ESRP1: variants seen among roughly 807,000 people sequenced by gnomAD.
ESRP1 encodes the protein RNA-binding motif protein 35A.
In ESRP1, 33 loss-of-function variants were observed where a neutral mutation model predicts 81.7. That is an observed-to-expected ratio of 0.40 (90% CI 0.31 to 0.54). The LOEUF (loss-of-function observed/expected upper bound fraction) is 0.54, where lower values mean the gene tolerates loss of function less well. ESRP1 is among the 20% of genes least tolerant of loss of function. The pLI is 0.41. For missense variants in ESRP1, 672 were observed against 833.1 expected, an observed-to-expected ratio of 0.81 and a Z score of 2.38; for synonymous variants, 320 against 303.3, an observed-to-expected ratio of 1.06 and a Z score of -0.57.
intron 13 of ESRP1, among the ~76,000 whole-genome samples, chr8:94,684,066 C>T (rs936304925): frequency 2.6e-5 from 4 of 152,106 alleles, no homozygotes; most frequent in African/African-American, 4.8e-5. Context: ...AAGCTGATCT[C>T]GAACTCCCAA....
rs952429119 is a variant in ESRP1, at chr8:94,671,414, G to A, written c.1234-39G>A. ...CTGATCTGCAGAAAGCAGGGGAGTA[G>A]CACAGCTCTAAATTACTTCTGTTTT... On this transcript the variant is annotated intron_variant, in intron 10 of 15. Coordinates refer to ENST00000433389, the MANE Select transcript of ESRP1 (RefSeq NM_017697.4). 3 of 1,566,906 alleles carry A rather than the reference G, an allele frequency of 1.9e-6. No homozygotes were observed. In the African/African-American group the frequency reaches 4.1e-5, roughly 21 times the overall value.
chr8:94,677,932 T>C (rs1392450933), intron 12 of ESRP1, among the ~76,000 whole-genome samples: 2 of 152,210 alleles, frequency 1.3e-5, no homozygotes, highest in African/African-American at 4.8e-5. Context: ...AAATTACATA[T>C]TGTGAAATGG....
Position 94,664,714 on chromosome 8 carries a change from T to C in ESRP1, c.662T>C (p.Ile221Thr), listed in dbSNP as rs1818928224. 9.9e-6 allele frequency: 16 copies of C among 1,613,784 alleles called. No individual in the cohort carries two copies. Among genetic ancestry groups the C allele is most frequent in the Non-Finnish European group, 1.4e-5 (16 of 1,179,736 alleles). ...ATCCACAGCAGCAAGATGGAACTTA[T>C]TGATGATAACACCGTAGTCAGGGCA... ...ESGTCSKMEL[I>T]DDNTVVRARG... The change falls in exon 7 of 16, where the codon ATT becomes ACT. Residue 221 changes from isoleucine to threonine, a missense_variant. Transcript: ENST00000433389.
rs551019067 is a variant in ESRP1, at chr8:94,665,616, G to A, written c.931+420G>A. On this transcript the variant is annotated intron_variant, in intron 9 of 15. Transcript: ENST00000433389. ...AAGCAATTCTTGTGCCTCCGCCTCC[G>A]TAGTGGCTGGGTTTACAGGTGTGTG... Among the ~76,000 whole-genome samples, 10 of 152,112 alleles carry A rather than the reference G, an allele frequency of 6.6e-5. No homozygotes were observed. In the East Asian group the frequency reaches 7.8e-4, roughly 12 times the overall value.
At chr8:94,656,363 C>T (rs372755848) in intron 4 of ESRP1, among the ~76,000 whole-genome samples, 28 of 152,124 alleles carry the variant, frequency 1.8e-4, no homozygotes, top group Non-Finnish European at 3.2e-4. Flanking sequence ...GGACTACAGG[C>T]GCGTGCCACC....
Position 94,706,095 on chromosome 8 carries a change from C to T in ESRP1, c.*206C>T, listed in dbSNP as rs1000116262. ...GTGAAAAAATTTGAGCTAGTGAAGCCAAATCGTAACTTACAGCAAGCAGCA... is the reference window on the plus strand; with the variant it reads ...GTGAAAAAATTTGAGCTAGTGAAGCTAAATCGTAACTTACAGCAAGCAGCA... On this transcript the variant is annotated 3_prime_UTR_variant, in exon 16 of 16. Transcript: ENST00000433389. 1.3e-5 allele frequency: 9 copies of T among 677,740 alleles called. No individual in the cohort carries two copies. Among genetic ancestry groups the T allele is most frequent in the Non-Finnish European group, 1.9e-5 (8 of 414,900 alleles). The allele number at this position is 677,740 out of a possible 1,614,324, so 42.0% of individuals were successfully genotyped here. A position where few individuals can be genotyped will look rare whatever the true frequency, so the allele number is the denominator to read the frequency against.
At chr8:94,681,325 C>CAAAAAAAAAA (rs1171703394) in intron 13 of ESRP1, among the ~76,000 whole-genome samples, 13 of 31,276 alleles carry the variant, frequency 4.2e-4, no homozygotes, top group East Asian at 1.2e-3. Context: ...GACTCCATCT[C>CAAAAAAAAAA]AAAAAAAAAA....
Position 94,642,094 on chromosome 8 carries a change from C to T in ESRP1, c.261+10C>T, listed in dbSNP as rs1236148186. The stretch of plus-strand genomic sequence containing the variant: ...CCAAGCCCTCCGACAGGTGACAACC[C>T]CGGGTCACGCCACCCACCCCAGCCT... On this transcript the variant is annotated intron_variant, in intron 2 of 15. Transcript: ENST00000433389. 1 of 1,608,446 alleles carries T rather than the reference C, an allele frequency of 6.2e-7. No individual in the cohort carries two copies. Among genetic ancestry groups the T allele is most frequent in the East Asian group, 2.2e-5 (1 of 44,862 alleles).
At chr8:94,704,253 A>C (rs1179215529) in intron 15 of ESRP1, among the ~76,000 whole-genome samples, 1 of 146,674 alleles carries the variant, frequency 6.8e-6, no homozygotes, top group East Asian at 2.0e-4. Context: ...GACATTTCAT[A>C]CTGGCCATAT....
intron 3 of ESRP1, among the ~76,000 whole-genome samples, chr8:94,644,575 T>C (rs3808382): frequency 0.3 from 46,378 of 152,064 alleles, 8,827 homozygotes; most frequent in East Asian, 0.58. Context: ...AATAGTAATA[T>C]GTAAGGATTA....
At position 94,646,445 on chromosome 8, in the gene ESRP1, C is replaced by A. The variant is rs1326616795; in HGVS notation, c.490+163C>A. On this transcript the variant is annotated intron_variant, in intron 4 of 15. Transcript: ENST00000433389. Reference sequence around the variant, plus strand: ...GAAACTAAAATACAATTATAGACATCTTTGAAAGTGGTTATAATTAATCAG... The same window carrying A: ...GAAACTAAAATACAATTATAGACATATTTGAAAGTGGTTATAATTAATCAG... The A allele has an allele frequency of 5.8e-6, 3 of 518,068 alleles. No homozygotes were observed. The East Asian group carries it at 9.8e-5, about 17-fold the overall frequency. 32.1% of individuals were successfully genotyped at this position (518,068 alleles called of 1,614,324 possible). A position where few individuals can be genotyped will look rare whatever the true frequency, so the allele number is the denominator to read the frequency against.
At chr8:94,652,828 G>C (rs966812096) in intron 4 of ESRP1, among the ~76,000 whole-genome samples, 53 of 152,304 alleles carry the variant, frequency 3.5e-4, no homozygotes, top group African/African-American at 1.1e-3. Context: ...TCAGTGGGGA[G>C]CTTTCATCCC....
rs1808728681 is a variant in ESRP1 at position 94,678,387 on chromosome 8, AG to A, written c.1820+18del. ...ACTATCCCAGGTAAGGCTCTGACAG[AG>A]GTGGAAATGAGGGGCAGAAACAAAG... is the stretch of plus-strand genomic sequence containing the variant. On this transcript the variant is annotated intron_variant, in intron 13 of 15. Coordinates refer to ENST00000433389, the MANE Select transcript of ESRP1 (RefSeq NM_017697.4). 1 of 1,605,250 alleles carries A rather than the reference AG, an allele frequency of 6.2e-7. No individual in the cohort carries two copies. Among genetic ancestry groups the A allele is most frequent in the South Asian group, 1.1e-5 (1 of 89,910 alleles).
At chr8:94,642,208 G>A (rs1817637689) in intron 2 of ESRP1, 124 bp downstream of exon 2, 2 of 1,252,652 alleles carry the variant, frequency 1.6e-6, no homozygotes, top group Non-Finnish European at 2.2e-6. Flanking sequence ...CCGGCCGCGT[G>A]GGTGGGAGCC....
intron 14 of ESRP1, among the ~76,000 whole-genome samples, chr8:94,695,503 C>T (rs1168850185): frequency 6.6e-6 from 1 of 151,376 alleles, no homozygotes; most frequent in Non-Finnish European, 1.5e-5. Flanking sequence ...TACACGTGTG[C>T]CACCAAGCCT....
At chr8:94,668,788 C>CGTGTGTGTGTGTGTGT (rs771754492) in intron 10 of ESRP1, among the ~76,000 whole-genome samples, 50 of 76,754 alleles carry the variant, frequency 6.5e-4, no homozygotes, top group Non-Finnish European at 1.0e-3. Context: ...TAGCTTTCAG[C>CGTGTGTGTGTGTGTGT]ATGTGTGTGT....
chr8:94,654,922 AAAAAAAAAAAG>A (rs1818320862), intron 4 of ESRP1, among the ~76,000 whole-genome samples: 1 of 151,022 alleles, frequency 6.6e-6, no homozygotes, highest in African/African-American at 2.4e-5. Flanking sequence ...CCTGCCTCAA[AAAAAAAAAAAG>A]AAAAAAAAAG....
At chr8:94,646,396 TC>T in intron 4 of ESRP1, 114 bp downstream of exon 4, 1 of 650,434 alleles carries the variant, frequency 1.5e-6, no homozygotes, top group Non-Finnish European at 2.5e-6. Context: ...AATTGGCCTA[TC>T]CAAAATTTGT....
intron 4 of ESRP1, among the ~76,000 whole-genome samples, chr8:94,650,259 TTTTG>T (rs144399530): frequency 0.27 from 23,584 of 86,684 alleles, 1,975 homozygotes; most frequent in East Asian, 0.47. Context: ...TTTTTGTTTG[TTTTG>T]TTTTTTTTTA....
Sources: allele counts gnomAD v4.1 joint callset (sites outside exome capture counted in the v4.1 genomes callset), GRCh38; gene constraint gnomAD v4.1.1; transcripts MANE v1.5; gene names NCBI Gene and HGNC (gene_info 2026-07-23, HGNC 2026-07-21).